The following AGBL4 variants were observed in gnomAD, a reference collection of about 807,000 sequenced individuals.
AGBL4 encodes the protein cytosolic carboxypeptidase 6.
A neutral mutation model predicts 66.4 loss-of-function variants in AGBL4; 58 were observed. The ratio of observed to expected loss-of-function variants is 0.87; its 90% CI spans 0.71 to 1.09. The LOEUF (loss-of-function observed/expected upper bound fraction) is 1.09, where lower values mean the gene tolerates loss of function less well. AGBL4 is among the 50% of genes least tolerant of loss of function. The pLI is 0.00. For missense variants in AGBL4, 579 were observed against 631.0 expected, an observed-to-expected ratio of 0.92 and a Z score of 0.88; for synonymous variants, 234 against 222.9, an observed-to-expected ratio of 1.05 and a Z score of -0.44.
chr1:48,965,508 GA>G (rs1450618148), intron 5 of AGBL4, among the ~76,000 whole-genome samples: 3 of 152,166 alleles, frequency 2.0e-5, no homozygotes, highest in Admixed American at 1.3e-4. Context: ...GAATCAAGGG[GA>G]AAGAGGTTGT....
chr1:48,776,551 C>T, intron 6 of AGBL4: 1 of 1,295,652 alleles, frequency 7.7e-7, no homozygotes, highest in South Asian at 1.7e-5. Flanking sequence ...CCGGCCCCTC[C>T]CGGGGTCCCA....
At chr1:49,602,401 A>G (rs1181871511) in intron 3 of AGBL4, among the ~76,000 whole-genome samples, 1 of 152,158 alleles carries the variant, frequency 6.6e-6, no homozygotes, top group Non-Finnish European at 1.5e-5. Context: ...ACACATGTTT[A>G]TTGTGGCACT....
At chr1:48,985,058 C>T (rs553964496) in intron 5 of AGBL4, among the ~76,000 whole-genome samples, 1 of 152,080 alleles carries the variant, frequency 6.6e-6, no homozygotes, top group South Asian at 2.1e-4. Flanking sequence ...ATTTACCCTC[C>T]CACCTGAAAA....
chr1:48,623,624 T>C (rs1301574148), intron 9 of AGBL4, among the ~76,000 whole-genome samples: 1 of 152,268 alleles, frequency 6.6e-6, no homozygotes, highest in East Asian at 1.9e-4. Context: ...TGAATTTGTC[T>C]TGGGCTTGAG....
chr1:48,676,205 T>C (rs935500721), intron 6 of AGBL4, among the ~76,000 whole-genome samples: 1 of 152,256 alleles, frequency 6.6e-6, no homozygotes, highest in African/African-American at 2.4e-5. Context: ...TAGCTTTCAG[T>C]ATTACTGATT....
intron 6 of AGBL4, among the ~76,000 whole-genome samples, chr1:48,797,766 T>C (rs1645722986): frequency 6.6e-6 from 1 of 152,112 alleles, no homozygotes; most frequent in South Asian, 2.1e-4. Flanking sequence ...AGGCTGGACT[T>C]GAACTCTTGA....
At chr1:49,611,149 C>A (rs1645146938) in intron 3 of AGBL4, among the ~76,000 whole-genome samples, 1 of 152,064 alleles carries the variant, frequency 6.6e-6, no homozygotes, top group Non-Finnish European at 1.5e-5. Context: ...AAATAAAAAT[C>A]TCAAACTCAT....
At chr1:48,777,544 C>T (rs1645158036) in intron 6 of AGBL4, among the ~76,000 whole-genome samples, 1 of 152,036 alleles carries the variant, frequency 6.6e-6, no homozygotes, top group African/African-American at 2.4e-5. Context: ...CTGCCAGCTC[C>T]CTCTGTGGAA....
chr1:48,613,248 G>A (rs963787005), intron 9 of AGBL4, among the ~76,000 whole-genome samples: 1 of 152,114 alleles, frequency 6.6e-6, no homozygotes, highest in African/African-American at 2.4e-5. Context: ...ACTTACCTAA[G>A]ATCACACAGC....
intron 3 of AGBL4, among the ~76,000 whole-genome samples, chr1:49,627,724 T>G (rs1388866237): frequency 6.6e-6 from 1 of 152,176 alleles, no homozygotes; most frequent in Non-Finnish European, 1.5e-5. Flanking sequence ...GACCTATCCA[T>G]AAACCAAGCC....
intron 3 of AGBL4, among the ~76,000 whole-genome samples, chr1:49,587,054 G>A (rs1644662042): frequency 6.6e-6 from 1 of 151,970 alleles, no homozygotes; most frequent in African/African-American, 2.4e-5. Flanking sequence ...GACCAGCCTG[G>A]CCAAAATGGT....
At chr1:49,777,739 T>C (rs1644234679) in intron 2 of AGBL4, among the ~76,000 whole-genome samples, 2 of 152,172 alleles carry the variant, frequency 1.3e-5, no homozygotes, top group African/African-American at 4.8e-5. Context: ...AAAAATCCTT[T>C]GTAGGGAAGA....
intron 3 of AGBL4, among the ~76,000 whole-genome samples, chr1:49,518,045 T>C (rs1005326445): frequency 6.6e-6 from 1 of 152,102 alleles, no homozygotes; most frequent in Non-Finnish European, 1.5e-5. Flanking sequence ...ATGCAGTCCA[T>C]AGACTGAAGT....
chr1:48,654,182 T>A (rs1257509172), intron 7 of AGBL4, among the ~76,000 whole-genome samples: 1 of 152,122 alleles, frequency 6.6e-6, no homozygotes, highest in Non-Finnish European at 1.5e-5. Context: ...ATGGAGCAAA[T>A]CTTCCCCTCT....
intron 3 of AGBL4, among the ~76,000 whole-genome samples, chr1:49,636,092 A>C (rs1645666388): frequency 6.6e-6 from 1 of 152,172 alleles, no homozygotes; most frequent in Non-Finnish European, 1.5e-5. Flanking sequence ...CATACACGAA[A>C]ATTAATTACA....
chr1:49,944,420 C>A (rs1033074546), intron 1 of AGBL4, among the ~76,000 whole-genome samples: 3 of 152,044 alleles, frequency 2.0e-5, no homozygotes, highest in African/African-American at 4.8e-5. Flanking sequence ...GCCTGGTAGA[C>A]CTGGTAGACC....
chr1:49,845,510 G>C, intron 2 of AGBL4: 1 of 1,578,136 alleles, frequency 6.3e-7, no homozygotes, highest in Non-Finnish European at 8.7e-7. Flanking sequence ...TGTGGTGAGT[G>C]TGGCAAGGCC....
intron 3 of AGBL4, among the ~76,000 whole-genome samples, chr1:49,355,689 T>G (rs1276905573): frequency 6.6e-6 from 1 of 152,232 alleles, no homozygotes; most frequent in Non-Finnish European, 1.5e-5. Context: ...ATTCAATTCA[T>G]TCCAGCATAA....
intron 8 of AGBL4, among the ~76,000 whole-genome samples, chr1:48,645,862 G>T (rs1346734462): frequency 6.6e-6 from 1 of 152,092 alleles, no homozygotes; most frequent in Non-Finnish European, 1.5e-5. Context: ...AGAGGACAGC[G>T]GGAAGGACAG....
Sources: gnomAD v4.1 joint callset for allele counts (sites outside exome capture counted in the v4.1 genomes callset) on GRCh38, gnomAD v4.1.1 for gene constraint, MANE v1.5 for transcripts, NCBI Gene and HGNC (gene_info 2026-07-23, HGNC 2026-07-21) for gene names.